The following IQGAP1 variants were observed in gnomAD, a reference collection of about 807,000 sequenced individuals.
The protein encoded by IQGAP1 is IQ motif containing GTPase activating protein 1.
A neutral mutation model predicts 215.6 loss-of-function variants in IQGAP1; 66 were observed. The ratio of observed to expected loss-of-function variants is 0.31; its 90% CI spans 0.25 to 0.38. IQGAP1 has a LOEUF of 0.38. Among genes scored for constraint, IQGAP1 ranks in the 10% least tolerant of loss-of-function variants. The pLI, the probability that IQGAP1 is intolerant of heterozygous loss-of-function variation, is 1.00. For synonymous variants in IQGAP1, 772 were observed against 728.7 expected (o/e 1.06, Z -0.96); for missense variants, 1,712 against 1,997.1 (o/e 0.86, Z 2.72).
At chr15:90,484,608 A>C (rs1035611671) in intron 30 of IQGAP1, among the ~76,000 whole-genome samples, 4 of 152,006 alleles carry the variant, frequency 2.6e-5, no homozygotes, top group Non-Finnish European at 4.4e-5. Flanking sequence ...TCCTGGGTTC[A>C]CACCATTCTC....
At chr15:90,458,323 T>G (rs1028027726) in intron 15 of IQGAP1, among the ~76,000 whole-genome samples, 4 of 152,232 alleles carry the variant, frequency 2.6e-5, no homozygotes, top group Non-Finnish European at 5.9e-5. Context: ...CATTCATGAG[T>G]TGATGACATA....
chr15:90,449,732 C>G (rs1965575247), intron 11 of IQGAP1, 89 bp downstream of exon 11: 1 of 1,061,238 alleles, frequency 9.4e-7, no homozygotes, highest in African/African-American at 1.6e-5. Flanking sequence ...CGTCATCACC[C>G]ACTCTGAGCC....
intron 2 of IQGAP1, chr15:90,397,876 C>CTTTTCTTTTCTTTTT (rs1567112875): frequency 2.0e-5 from 1 of 50,658 alleles, no homozygotes; most frequent in African/African-American, 1.2e-4. Flanking sequence ...TTTTTCTTTT[C>CTTTTCTTTTCTTTTT]TTTTTTTTTT....
intron 18 of IQGAP1, among the ~76,000 whole-genome samples, chr15:90,470,905 C>A (rs1457976342): frequency 6.6e-6 from 1 of 152,108 alleles, no homozygotes; most frequent in Non-Finnish European, 1.5e-5. Flanking sequence ...CTTAATCTCT[C>A]TTGCTACCTT....
chr15:90,467,700 G>C, intron 18 of IQGAP1, 108 bp downstream of exon 18: 1 of 1,182,236 alleles, frequency 8.5e-7, no homozygotes, highest in Non-Finnish European at 1.2e-6. Flanking sequence ...GACTAAAATT[G>C]AGGTTATGTA....
At chr15:90,406,409 C>T (rs1438969123) in intron 2 of IQGAP1, among the ~76,000 whole-genome samples, 1 of 152,256 alleles carries the variant, frequency 6.6e-6, no homozygotes, top group East Asian at 1.9e-4. Context: ...TGGTGATCCA[C>T]CCGCCTCAGC....
chr15:90,430,335 T>A (rs189612003), intron 4 of IQGAP1, among the ~76,000 whole-genome samples: 47 of 152,338 alleles, frequency 3.1e-4, no homozygotes, highest in African/African-American at 1.1e-3. Context: ...TCTCATTTTT[T>A]TCTGTTTATA....
rs1404001744 is a variant in IQGAP1 at position 90,467,477 on chromosome 15, A to G, written c.2063A>G (p.His688Arg). Residue 688 changes from histidine to arginine, a missense_variant, in exon 18 of 38, where the codon CAC (histidine) becomes CGC (arginine). Physicochemically the swap from His to Arg is conservative, Grantham distance 29 (BLOSUM62 0). Transcript: ENST00000268182. ...VGDNNSKWVK[H>R]WVKGGYYYYH... ...GATAATAACAGCAAGTGGGTGAAGCACTGGGTAAAAGGTGGATATTATTAT... is the reference window on the plus strand; with the variant it reads ...GATAATAACAGCAAGTGGGTGAAGCGCTGGGTAAAAGGTGGATATTATTAT... 2 of 1,611,954 alleles carry G rather than the reference A, an allele frequency of 1.2e-6. No homozygotes were observed. Among genetic ancestry groups the G allele is most frequent in the Non-Finnish European group, 1.7e-6 (2 of 1,179,196 alleles).
chr15:90,501,546 G>T lies in IQGAP1; in HGVS notation c.*1438G>T, dbSNP rs1408796889. 1 of 152,116 alleles carries T rather than the reference G, an allele frequency of 6.6e-6. No homozygotes were observed. The highest frequency in any genetic ancestry group is 1.5e-5 in the Non-Finnish European group (1 of 68,026). The allele number at this position is 152,116 out of a possible 1,614,324, so 9.4% of individuals were successfully genotyped here. Reference sequence around the variant, plus strand: ...CATTAAGCCAATAAACTGCTTTAATGAATAACAAACTATGTAGTGTGTCCC... The same window carrying T: ...CATTAAGCCAATAAACTGCTTTAATTAATAACAAACTATGTAGTGTGTCCC... On this transcript the variant is annotated 3_prime_UTR_variant, in exon 38 of 38. Coordinates refer to ENST00000268182, the MANE Select transcript of IQGAP1 (RefSeq NM_003870.4).
chr15:90,392,669 A>G (rs1964651368), intron 2 of IQGAP1, among the ~76,000 whole-genome samples: 2 of 152,194 alleles, frequency 1.3e-5, no homozygotes, highest in African/African-American at 2.4e-5. Context: ...ATCTAGTTCA[A>G]CCATCTCATT....
At chr15:90,498,210 G>A (rs192555462) in intron 37 of IQGAP1, among the ~76,000 whole-genome samples, 60 of 151,902 alleles carry the variant, frequency 3.9e-4, no homozygotes, top group African/African-American at 1.4e-3. Context: ...CCCTCTCCCC[G>A]CTAAAGCCAT....
intron 15 of IQGAP1, among the ~76,000 whole-genome samples, chr15:90,459,115 C>T (rs931498916): frequency 6.6e-6 from 1 of 152,192 alleles, no homozygotes; most frequent in Non-Finnish European, 1.5e-5. Context: ...CGCTTGCTGC[C>T]TCACTTCAGG....
intron 9 of IQGAP1, 51 bp from the exon 10 acceptor site, chr15:90,448,522 G>T: frequency 6.8e-7 from 1 of 1,480,766 alleles, no homozygotes. Flanking sequence ...AACTATTCTA[G>T]GCTCTTCTGT....
intron 11 of IQGAP1, among the ~76,000 whole-genome samples, chr15:90,451,362 A>G (rs1369021737): frequency 6.6e-6 from 1 of 152,200 alleles, no homozygotes; most frequent in Non-Finnish European, 1.5e-5. Context: ...TGCTGCATCA[A>G]AATATGAAGG....
At chr15:90,467,248 CAT>C (rs1323771690) in intron 17 of IQGAP1, among the ~76,000 whole-genome samples, 200 bp from the exon 18 acceptor site, 6 of 152,120 alleles carry the variant, frequency 3.9e-5, no homozygotes, top group Admixed American at 3.9e-4. Flanking sequence ...TTCTTATAGA[CAT>C]AAATGAGCTA....
chr15:90,454,022 A>T (rs1890643663), intron 13 of IQGAP1, among the ~76,000 whole-genome samples: 1 of 152,250 alleles, frequency 6.6e-6, no homozygotes, highest in South Asian at 2.1e-4. Flanking sequence ...CACCGTCAAA[A>T]TATCTAGTTT....
intron 2 of IQGAP1, chr15:90,393,641 C>T (rs1964669740): frequency 6.6e-6 from 1 of 152,150 alleles, no homozygotes; most frequent in African/African-American, 2.4e-5. Flanking sequence ...ATATCATGAC[C>T]TCAGTAGAAT....
At chr15:90,412,978 T>A (rs1385179508) in intron 2 of IQGAP1, among the ~76,000 whole-genome samples, 1 of 152,204 alleles carries the variant, frequency 6.6e-6, no homozygotes, top group Non-Finnish European at 1.5e-5. Flanking sequence ...AGACCCCTAA[T>A]TCAGATTTCC....
intron 15 of IQGAP1, among the ~76,000 whole-genome samples, chr15:90,463,854 G>A (rs929301307): frequency 1.3e-5 from 2 of 152,062 alleles, no homozygotes; most frequent in African/African-American, 4.8e-5. Context: ...CTTTCCTTTG[G>A]CCTTATCCTG....
Sources: allele counts gnomAD v4.1 joint callset (sites outside exome capture counted in the v4.1 genomes callset), GRCh38; gene constraint gnomAD v4.1.1; transcripts MANE v1.5; gene names NCBI Gene and HGNC (gene_info 2026-07-23, HGNC 2026-07-21).